The following DSTYK variants were observed in gnomAD, a reference collection of about 807,000 sequenced individuals.
DSTYK encodes dual serine/threonine and tyrosine protein kinase.
In DSTYK, 34 loss-of-function variants were observed where a neutral mutation model predicts 98.7. That is an observed-to-expected ratio of 0.34 (90% CI 0.26 to 0.46). The LOEUF is 0.46. Among genes scored for constraint, DSTYK ranks in the 20% least tolerant of loss-of-function variants. The pLI is 1.00. For missense variants in DSTYK, 962 were observed against 1,181.7 expected, an observed-to-expected ratio of 0.81 and a Z score of 2.73; for synonymous variants, 462 against 457.3, an observed-to-expected ratio of 1.01 and a Z score of -0.13.
chr1:205,160,258 A>C lies in DSTYK; in HGVS notation c.1961T>G (p.Leu654Arg). 6.2e-7 allele frequency: 1 copy of C among 1,613,968 alleles called. No homozygotes were observed. Among genetic ancestry groups the C allele is most frequent in the South Asian group, 1.1e-5 (1 of 91,062 alleles). ...CTGGCCCCGGCCCAGTTCCTGTCCC[A>C]GTTTAGGTTTACCTATAAGGTACAG... ...QDVLLHRKPKLGQELGRGQYG... is the reference protein window; with the variant it reads ...QDVLLHRKPKRGQELGRGQYG... The change falls in exon 8 of 13, where the codon CTG becomes CGG. Residue 654 changes from leucine to arginine, a missense_variant. By Grantham distance (102) the Leu-to-Arg change is moderately radical. This residue lies in a region of DSTYK where 660 missense variants were observed against 855.0 expected (regional missense o/e 0.77). Coordinates refer to ENST00000367162, the MANE Select transcript of DSTYK (RefSeq NM_015375.3).
chr1:205,190,825 C>T (rs1658691873), intron 1 of DSTYK, among the ~76,000 whole-genome samples: 1 of 152,036 alleles, frequency 6.6e-6, no homozygotes, highest in Admixed American at 6.6e-5. Flanking sequence ...CTTTAAATTC[C>T]TATAATAAAA....
Position 205,165,813 on chromosome 1 carries a change from A to G in DSTYK, c.1325-1858T>C, listed in dbSNP as rs751469643. On this transcript the variant is annotated intron_variant, in intron 3 of 12. Transcript: ENST00000367162. Reference sequence around the variant, plus strand: ...AAAAATAAACAAATAAGCCTGGCCAACATGGTGAAACCCTGTCTCTACTAA... The same window carrying G: ...AAAAATAAACAAATAAGCCTGGCCAGCATGGTGAAACCCTGTCTCTACTAA... Among the ~76,000 whole-genome samples, 3 of 152,340 alleles carry G rather than the reference A, an allele frequency of 2.0e-5. No homozygotes were observed. The South Asian group carries it at 6.2e-4, about 32-fold the overall frequency.
In DSTYK at chr1:205,204,039, G is replaced by A. The variant is rs530505185; in HGVS notation, c.265+7232C>T. Among the ~76,000 whole-genome samples the A allele has an allele frequency of 4.6e-3, 703 of 152,310 alleles. 3 individuals carry two copies. The highest frequency in any genetic ancestry group is 6.8e-3 in the Middle Eastern group (2 of 294). ...GGTGCAAAGAGCCACTGTGGTTAGG[G>A]AGGCCATTTCCTCCCAGGGAGCAGG... On this transcript the variant is annotated intron_variant, in intron 1 of 12. Coordinates refer to ENST00000367162, the MANE Select transcript of DSTYK (RefSeq NM_015375.3).
intron 12 of DSTYK, 126 bp downstream of exon 12, chr1:205,148,079 T>C (rs1657296072): frequency 8.6e-7 from 1 of 1,158,346 alleles, no homozygotes; most frequent in Non-Finnish European, 1.2e-6. Flanking sequence ...TTCATGACAG[T>C]TTAAACGTAT....
At chr1:205,152,658 T>G (rs1171680810) in intron 10 of DSTYK, among the ~76,000 whole-genome samples, 1 of 151,508 alleles carries the variant, frequency 6.6e-6, no homozygotes, top group East Asian at 1.9e-4. Context: ...GTTTTGAATT[T>G]CATTTTTTTT....
intron 11 of DSTYK, among the ~76,000 whole-genome samples, chr1:205,148,905 T>G (rs868370997): frequency 2.7e-5 from 4 of 147,942 alleles, no homozygotes; most frequent in Middle Eastern, 3.5e-3. Context: ...TAGAAAGTGT[T>G]TTTTTTTTTT....
intron 2 of DSTYK, among the ~76,000 whole-genome samples, chr1:205,180,481 T>G (rs567836259): frequency 4.4e-4 from 67 of 152,294 alleles, no homozygotes; most frequent in African/African-American, 6.3e-4. Flanking sequence ...TTTTTATTTA[T>G]TTAGTTATTT....
chr1:205,176,789 G>A (rs1199623389), intron 2 of DSTYK, among the ~76,000 whole-genome samples: 1 of 152,050 alleles, frequency 6.6e-6, no homozygotes, highest in East Asian at 1.9e-4. Context: ...AATCACTGAC[G>A]AAGGCTGACC....
At chr1:205,200,336 C>T (rs1658991970) in intron 1 of DSTYK, among the ~76,000 whole-genome samples, 1 of 111,322 alleles carries the variant, frequency 9.0e-6, no homozygotes, top group Admixed American at 9.6e-5. Context: ...CCACACCCAG[C>T]CAATTTTTTG....
Position 205,157,299 on chromosome 1 carries a change from G to A in DSTYK, c.2326C>T (p.Arg776Cys). The change falls in exon 10 of 13, where the codon CGT becomes TGT. Residue 776 changes from arginine (R) to cysteine (C), a missense_variant. Physicochemically the swap from Arg to Cys is radical, Grantham distance 180. This residue lies in a region of DSTYK where 69 missense variants were observed against 142.9 expected (regional missense o/e 0.48). Transcript: ENST00000367162. Reference protein sequence around the residue: ...RFLHSQGLVHRDIKLKNVLLD... With the variant: ...RFLHSQGLVHCDIKLKNVLLD... ...AGCACATTTTTCAGTTTGATATCAC[G>A]ATGGACAAGTCCCTGGCTGTGCAGG... 6.2e-7 allele frequency: 1 copy of A among 1,614,034 alleles called. No homozygotes were observed. The highest frequency in any genetic ancestry group is 8.5e-7 in the Non-Finnish European group (1 of 1,179,986).
intron 1 of DSTYK, chr1:205,202,106 G>A: frequency 2.3e-6 from 1 of 440,952 alleles, no homozygotes; most frequent in Non-Finnish European, 4.5e-6. Context: ...AGGGAGAGGG[G>A]GAAGGGAGAA....
In DSTYK at chr1:205,187,455, G is replaced by A. The variant is rs1447733267; in HGVS notation, c.617C>T (p.Ala206Val). 13 of 1,613,762 alleles carry A rather than the reference G, an allele frequency of 8.1e-6. No homozygotes were observed. Among genetic ancestry groups the A allele is most frequent in the South Asian group, 2.2e-5 (2 of 91,050 alleles). Residue 206 changes from alanine (A) to valine (V), a missense_variant, in exon 2 of 13, where the codon GCG becomes GTG. Physicochemically the swap from Ala to Val is moderately conservative, Grantham distance 64 (BLOSUM62 0). Around this residue, in one of 4 missense-constraint regions of DSTYK, gnomAD observed 660 missense variants for 855.0 expected, o/e 0.77. Coordinates refer to ENST00000367162, the MANE Select transcript of DSTYK (RefSeq NM_015375.3). ...ENNEDAAHVL[A>V]ELEVTMHHAL... The stretch of plus-strand genomic sequence containing the variant: ...ATGGTGCATCGTTACCTCCAGTTCC[G>A]CTAAAACATGAGCAGCATCCTCATT...
rs1042893909 is a variant in DSTYK, at chr1:205,162,164, A to T, written c.1690T>A (p.Trp564Arg). The T allele has an allele frequency of 6.2e-7, 1 of 1,614,186 alleles. No individual in the cohort carries two copies. Among genetic ancestry groups the T allele is most frequent in the Non-Finnish European group, 8.5e-7 (1 of 1,180,004 alleles). The stretch of plus-strand genomic sequence containing the variant: ...GCTTCCTGGGCCACCTTCCTCTTCC[A>T]TTCCAGAGTGATGGCAGGTGGGCTC... ...WVSPPAITLE[W>R]KRKVAQEAIE... Residue 564 changes from tryptophan (W) to arginine (R), a missense_variant, in exon 6 of 13, where the codon TGG becomes AGG. Around this residue, in one of 4 missense-constraint regions of DSTYK, gnomAD observed 660 missense variants for 855.0 expected, o/e 0.77. Coordinates refer to ENST00000367162, the MANE Select transcript of DSTYK (RefSeq NM_015375.3).
At chr1:205,160,329 T>A in intron 7 of DSTYK, 59 bp from the exon 8 acceptor site, 1 of 1,490,962 alleles carries the variant, frequency 6.7e-7, no homozygotes, top group Admixed American at 2.1e-5. Context: ...GGGCAACCTC[T>A]GTAAGATTCT....
rs766036213 is a variant in DSTYK at position 205,207,755 on chromosome 1, C to CAAAAAAAAAA, written c.265+3506_265+3515dup. On this transcript the variant is annotated intron_variant, in intron 1 of 12. Coordinates refer to ENST00000367162, the MANE Select transcript of DSTYK (RefSeq NM_015375.3). ...TGGGCAATACAGAGAGACTCTGTCTCAAAAAAAAAAAAAAAAAAAAAAAAA... is the reference window on the plus strand; with the variant it reads ...TGGGCAATACAGAGAGACTCTGTCTCAAAAAAAAAAAAAAAAAAAAAAAAAAAAAAAAAAA... Among the ~76,000 whole-genome samples the CAAAAAAAAAA allele has an allele frequency of 8.7e-4, 46 of 52,730 alleles. 3 individuals are homozygous for CAAAAAAAAAA. Among genetic ancestry groups the CAAAAAAAAAA allele is most frequent in the African/African-American group, 2.1e-3 (20 of 9,540 alleles). 34.6% of individuals were successfully genotyped at this position (52,730 alleles called of 152,430 possible).
intron 5 of DSTYK, 110 bp from the exon 6 acceptor site, chr1:205,162,322 A>G (rs1657751575): frequency 7.7e-6 from 10 of 1,299,312 alleles, no homozygotes; most frequent in Admixed American, 2.5e-5. Context: ...GCAGGCTCAT[A>G]AGATGGGAGC....
chr1:205,199,431 G>A (rs553698744), intron 1 of DSTYK, among the ~76,000 whole-genome samples: 1 of 152,276 alleles, frequency 6.6e-6, no homozygotes, highest in African/African-American at 2.4e-5. Flanking sequence ...GGAACATTAC[G>A]CATAAGGGAA....
chr1:205,207,366 G>A (rs921729037), intron 1 of DSTYK, among the ~76,000 whole-genome samples: 4 of 151,422 alleles, frequency 2.6e-5, no homozygotes, highest in Admixed American at 6.6e-5. Flanking sequence ...GGCGTGAGCC[G>A]CCGCACCCGG....
chr1:205,188,624 C>T (rs190064324), intron 1 of DSTYK, among the ~76,000 whole-genome samples: 2 of 152,272 alleles, frequency 1.3e-5, no homozygotes, highest in East Asian at 1.9e-4. Context: ...AAATTATCTA[C>T]CATATGCGGT....
Sources: gnomAD v4.1 joint callset for allele counts (sites outside exome capture counted in the v4.1 genomes callset) on GRCh38, gnomAD v4.1.1 for gene constraint, gnomAD v4.1.1 regional missense constraint, MANE v1.5 for transcripts, NCBI Gene and HGNC (gene_info 2026-07-23, HGNC 2026-07-21) for gene names.